SYN3: variants seen among roughly 807,000 people sequenced by gnomAD.
The protein encoded by SYN3 is synapsin III.
In SYN3, 35 loss-of-function variants were observed where a neutral mutation model predicts 65.8. The observed-to-expected ratio is 0.53, with a 90% CI of 0.41 to 0.70. SYN3 has a LOEUF of 0.70. Among genes scored for constraint, SYN3 ranks in the 30% least tolerant of loss-of-function variants. SYN3 has a pLI of 0.00. For synonymous variants in SYN3, 270 were observed against 292.9 expected, an observed-to-expected ratio of 0.92 and a Z score of 0.80; for missense variants, 680 against 749.0, an observed-to-expected ratio of 0.91 and a Z score of 1.08.
chr22:32,669,893 C>G lies in SYN3; in HGVS notation c.712-73157G>C, dbSNP rs796838189. On this transcript the variant is annotated intron_variant, in intron 6 of 13. Coordinates refer to ENST00000358763, the MANE Select transcript of SYN3 (RefSeq NM_003490.4). ...CAAATTGGATGGCAGGATAGGGCAGCCATCTTGGGCCATGAGGCAGGTATA... is the reference window on the plus strand; with the variant it reads ...CAAATTGGATGGCAGGATAGGGCAGGCATCTTGGGCCATGAGGCAGGTATA... Among the ~76,000 whole-genome samples the G allele has an allele frequency of 3.8e-3, 584 of 152,236 alleles. 3 individuals carry two copies. Among genetic ancestry groups the G allele is most frequent in the African/African-American group, 0.013 (526 of 41,522 alleles).
chr22:32,570,723 G>A (rs2058748247), intron 7 of SYN3, among the ~76,000 whole-genome samples: 1 of 152,078 alleles, frequency 6.6e-6, no homozygotes, highest in Admixed American at 6.6e-5. Context: ...TGCAGCTGAG[G>A]CACACAGGGA....
intron 5 of SYN3, among the ~76,000 whole-genome samples, chr22:32,868,470 C>T (rs1456508164): frequency 2.0e-5 from 3 of 151,604 alleles, no homozygotes; most frequent in Non-Finnish European, 2.9e-5. Context: ...GACAGAGTTT[C>T]GCTGTTGTTG....
intron 6 of SYN3, among the ~76,000 whole-genome samples, chr22:32,741,457 A>G (rs1210906711): frequency 2.1e-5 from 3 of 146,262 alleles, no homozygotes; most frequent in Non-Finnish European, 3.0e-5. Flanking sequence ...CTGGGTTCAC[A>G]CCATTCTCCT....
At chr22:32,778,598 G>A (rs977012314) in intron 6 of SYN3, among the ~76,000 whole-genome samples, 2 of 152,054 alleles carry the variant, frequency 1.3e-5, no homozygotes, top group African/African-American at 4.8e-5. Context: ...GGCCAAGACT[G>A]CATTTTTTTA....
chr22:32,934,347 G>A (rs1336732662), intron 3 of SYN3, among the ~76,000 whole-genome samples: 1 of 152,190 alleles, frequency 6.6e-6, no homozygotes, highest in Non-Finnish European at 1.5e-5. Flanking sequence ...GATACCTGGA[G>A]AGAAGTCACA....
rs1233387363 is a variant in SYN3 at position 32,671,688 on chromosome 22, C to T, written c.712-74952G>A. Among the ~76,000 whole-genome samples the T allele has an allele frequency of 2.6e-5, 4 of 150,964 alleles. No individual in the cohort carries two copies. In the East Asian group the frequency reaches 7.8e-4, roughly 29 times the overall value. ...TCACACACGCTCTCACACAGGTACA[C>T]ACACGCTGTCACACAGGTGCACACA... On this transcript the variant is annotated intron_variant, in intron 6 of 13. Coordinates refer to ENST00000358763, the MANE Select transcript of SYN3 (RefSeq NM_003490.4).
Position 33,032,035 on chromosome 22 carries a change from C to T in SYN3, c.-162-25211G>A, listed in dbSNP as rs565277030. On this transcript the variant is annotated intron_variant, in intron 1 of 13. Coordinates refer to ENST00000358763, the MANE Select transcript of SYN3 (RefSeq NM_003490.4). ...GACCAGCCTGGCCAACATGGTGAAA[C>T]CCCATCTCTACTAAAAATACAAAAA... Among the ~76,000 whole-genome samples the T allele has an allele frequency of 1.3e-4, 19 of 151,934 alleles. 1 individual carries two copies. The South Asian group carries it at 4.0e-3, about 32-fold the overall frequency.
intron 4 of SYN3, among the ~76,000 whole-genome samples, chr22:32,874,770 G>A (rs2146379077): frequency 6.6e-6 from 1 of 152,196 alleles, no homozygotes; most frequent in Non-Finnish European, 1.5e-5. Context: ...GCCTGCGAAG[G>A]CTCCAGACTT....
chr22:32,619,148 G>A (rs949284184), intron 6 of SYN3, among the ~76,000 whole-genome samples: 2 of 152,164 alleles, frequency 1.3e-5, no homozygotes, highest in African/African-American at 4.8e-5. Flanking sequence ...CAGACCGGCT[G>A]CTCAGATTCT....
chr22:32,972,659 C>G (rs945478926), intron 3 of SYN3, among the ~76,000 whole-genome samples: 3 of 152,124 alleles, frequency 2.0e-5, no homozygotes, highest in Admixed American at 2.0e-4. Flanking sequence ...ACAACTATAG[C>G]AGTTTGAACA....
chr22:32,776,875 A>G (rs947613645), intron 6 of SYN3, among the ~76,000 whole-genome samples: 1 of 152,202 alleles, frequency 6.6e-6, no homozygotes, highest in African/African-American at 2.4e-5. Flanking sequence ...AGGTGGGGAC[A>G]CCAGCAGCAG....
rs1460578879 is a variant in SYN3 at position 32,801,148 on chromosome 22, C to T, written c.711+63767G>A. On this transcript the variant is annotated intron_variant, in intron 6 of 13. Transcript: ENST00000358763. The surrounding 1 kb of genome is among the most constrained non-coding windows in gnomAD (Gnocchi z 4.7). ...GCCAGCTGCAAACAGCAGATGGCTTCCCATATCCCAGAGAGTAAGAACCAG... is the reference window on the plus strand; with the variant it reads ...GCCAGCTGCAAACAGCAGATGGCTTTCCATATCCCAGAGAGTAAGAACCAG... Among the ~76,000 whole-genome samples, 1 of 152,182 alleles carries T rather than the reference C, an allele frequency of 6.6e-6. No individual in the cohort carries two copies. The highest frequency in any genetic ancestry group is 2.4e-5 in the African/African-American group (1 of 41,444).
At chr22:32,671,379 C>A (rs2060360221) in intron 6 of SYN3, among the ~76,000 whole-genome samples, 1 of 152,006 alleles carries the variant, frequency 6.6e-6, no homozygotes, top group South Asian at 2.1e-4. Context: ...CACTCACCTG[C>A]ACACTCACCC....
Position 32,953,466 on chromosome 22 carries a change from G to C in SYN3, c.370-21985C>G, listed in dbSNP as rs1213445183. Among the ~76,000 whole-genome samples the C allele has an allele frequency of 2.6e-5, 4 of 151,216 alleles. No individual in the cohort carries two copies. In the Admixed American group the frequency reaches 2.6e-4, roughly 10 times the overall value. ...AGTTTTGTGTTAAATAAAGGGGTCAGGAGAAGAATAAATTTGATCAGTGAT... is the reference window on the plus strand; with the variant it reads ...AGTTTTGTGTTAAATAAAGGGGTCACGAGAAGAATAAATTTGATCAGTGAT... On this transcript the variant is annotated intron_variant, in intron 3 of 13. Coordinates refer to ENST00000358763, the MANE Select transcript of SYN3 (RefSeq NM_003490.4).
At chr22:32,643,792 T>G (rs1021291734) in intron 6 of SYN3, among the ~76,000 whole-genome samples, 8 of 151,694 alleles carry the variant, frequency 5.3e-5, no homozygotes, top group African/African-American at 7.3e-5. Context: ...GAGGATGTGC[T>G]TAAAGAAAGA....
rs994608569 is a variant in SYN3 at position 32,568,062 on chromosome 22, A to C, written c.775-26349T>G. Among the ~76,000 whole-genome samples the C allele has an allele frequency of 2.0e-5, 3 of 152,338 alleles. No individual in the cohort carries two copies. In the East Asian group the frequency reaches 5.8e-4, roughly 29 times the overall value. ...GGATGATTAAAGCTCCTCACGGGAC[A>C]GGCAAGGCTGTTAGAATCTTCCTGG... On this transcript the variant is annotated intron_variant, in intron 7 of 13. Transcript: ENST00000358763.
intron 6 of SYN3, among the ~76,000 whole-genome samples, chr22:32,757,601 C>G (rs968052230): frequency 6.6e-6 from 1 of 152,138 alleles, no homozygotes; most frequent in African/African-American, 2.4e-5. Context: ...CCGGCCTGGG[C>G]TCCTCCTACC....
chr22:32,730,756 T>G (rs2061259551), intron 6 of SYN3, among the ~76,000 whole-genome samples: 1 of 152,216 alleles, frequency 6.6e-6, no homozygotes, highest in Admixed American at 6.5e-5. Flanking sequence ...CACACAGAAC[T>G]AATACAGATC....
chr22:32,902,706 G>A (rs2049794753), intron 4 of SYN3, among the ~76,000 whole-genome samples: 1 of 152,056 alleles, frequency 6.6e-6, no homozygotes. Context: ...AGGTTCATGG[G>A]ACTAGGTTCT....
Sources: gnomAD v4.1 joint callset for allele counts (sites outside exome capture counted in the v4.1 genomes callset) on GRCh38, gnomAD v4.1.1 for gene constraint, Gnocchi (gnomAD v3.1) non-coding constraint, MANE v1.5 for transcripts, NCBI Gene and HGNC (gene_info 2026-07-23, HGNC 2026-07-21) for gene names.